HIBCH: variants seen among roughly 807,000 people sequenced by gnomAD.
The protein encoded by HIBCH is 3-hydroxyisobutyryl-CoA hydrolase.
Under a neutral mutation model 58.2 loss-of-function variants are expected in HIBCH, and 50 were observed. That is an observed-to-expected ratio of 0.86 (90% CI 0.68 to 1.09). The LOEUF is 1.09. Ranked by LOEUF, HIBCH falls within the 50% of genes least tolerant of loss-of-function variation. The pLI, the probability that HIBCH is intolerant of heterozygous loss-of-function variation, is 0.00. For missense variants in HIBCH, 450 were observed against 449.7 expected, an observed-to-expected ratio of 1.00 and a Z score of -0.01; for synonymous variants, 151 against 146.9, an observed-to-expected ratio of 1.03 and a Z score of -0.20.
chr2:190,191,905 CTGTT>C (rs1345122363), intron 1 of HIBCH, among the ~76,000 whole-genome samples: 2 of 150,446 alleles, frequency 1.3e-5, no homozygotes, highest in African/African-American at 2.4e-5. Flanking sequence ...TTTATATTTG[CTGTT>C]TTTTTTTCAA....
chr2:190,308,550 G>C (rs1444408005), intron 2 of HIBCH, among the ~76,000 whole-genome samples: 1 of 152,260 alleles, frequency 6.6e-6, no homozygotes, highest in East Asian at 1.9e-4. Context: ...ATAAGAGGAA[G>C]AGGCAGACCT....
intron 1 of HIBCH, among the ~76,000 whole-genome samples, chr2:190,192,450 A>ATG (rs1340574113): frequency 3.2e-5 from 3 of 93,784 alleles, no homozygotes; most frequent in East Asian, 2.7e-4. Context: ...ATAATTCAGA[A>ATG]TCTGTGTGTG....
At chr2:190,246,871 C>T (rs1474973768) in intron 9 of HIBCH, among the ~76,000 whole-genome samples, 1 of 152,108 alleles carries the variant, frequency 6.6e-6, no homozygotes, top group African/African-American at 2.4e-5. Flanking sequence ...TGGATGGTAG[C>T]AAAGTATAAG....
Position 190,261,192 on chromosome 2 carries a change from C to G in HIBCH, c.481G>C (p.Glu161Gln). The change falls in exon 7 of 14, where the codon GAA becomes CAA. Residue 161 changes from glutamate (E) to glutamine (Q), a missense_variant. Transcript: ENST00000359678. ...TCTGGCATAGCAAAAAGACACTTTT[C>G]TGTAGCCACTCGAAATTGCCCATGG... The part of the protein sequence containing the change: ...SVHGQFRVAT[E>Q]KCLFAMPETA... 1 of 1,613,564 alleles carries G rather than the reference C, an allele frequency of 6.2e-7. No homozygotes were observed. The highest frequency in any genetic ancestry group is 8.5e-7 in the Non-Finnish European group (1 of 1,179,724).
intron 10 of HIBCH, 33 bp from the exon 11 acceptor site, chr2:190,245,001 T>G (rs1309601133): frequency 6.3e-6 from 8 of 1,274,230 alleles, no homozygotes; most frequent in Non-Finnish European, 9.2e-6. Context: ...TTCACCAATG[T>G]GTAAGTGATT....
intron 3 of HIBCH, among the ~76,000 whole-genome samples, chr2:190,295,705 A>G (rs1575756609): frequency 6.6e-6 from 1 of 152,300 alleles, no homozygotes; most frequent in South Asian, 2.1e-4. Flanking sequence ...AACATTTCTA[A>G]TTTCTTCCAC....
At chr2:190,265,122 CAAAAAAAAAAA>C (rs1167140474) in intron 6 of HIBCH, among the ~76,000 whole-genome samples, 6 of 56,276 alleles carry the variant, frequency 1.1e-4, no homozygotes, top group Non-Finnish European at 1.0e-4. Context: ...GACTCCGTCT[CAAAAAAAAAAA>C]AAAAAAAAAA....
chr2:190,280,773 C>T (rs1559050476), intron 6 of HIBCH, among the ~76,000 whole-genome samples: 1 of 152,158 alleles, frequency 6.6e-6, no homozygotes. Flanking sequence ...ACTCAAACCC[C>T]GGAACCACGC....
chr2:190,243,924 T>C lies in HIBCH; in HGVS notation c.891+963A>G, dbSNP rs1417168693. ...GGCTGAGGCTGCAGTGAGTTGTGAT[T>C]GCACCACTGTCCTCCAGCCTGGGGA... On this transcript the variant is annotated intron_variant, in intron 11 of 13. Coordinates refer to ENST00000359678, the MANE Select transcript of HIBCH (RefSeq NM_014362.4). This position sits in a 1 kb window ranked among gnomAD's most constrained non-coding sequence, Gnocchi z 4.1. Among the ~76,000 whole-genome samples the C allele has an allele frequency of 1.3e-5, 2 of 152,150 alleles. No individual in the cohort carries two copies. The highest frequency in any genetic ancestry group is 3.8e-4 in the East Asian group (2 of 5,200).
Position 190,291,433 on chromosome 2 carries a change from G to T in HIBCH, c.305-948C>A, listed in dbSNP as rs182769697. Among the ~76,000 whole-genome samples, 949 of 152,214 alleles carry T rather than the reference G, an allele frequency of 6.2e-3. 9 individuals are homozygous for T. The highest frequency in any genetic ancestry group is 0.022 in the African/African-American group (900 of 41,530). Reference sequence around the variant, plus strand: ...TAAGCCAAGTTGGAAAAGGTAAATAGGAATTTCCTAGAAAATGACAGAAAG... The same window carrying T: ...TAAGCCAAGTTGGAAAAGGTAAATATGAATTTCCTAGAAAATGACAGAAAG... On this transcript the variant is annotated intron_variant, in intron 4 of 13. Coordinates refer to ENST00000359678, the MANE Select transcript of HIBCH (RefSeq NM_014362.4).
intron 13 of HIBCH, among the ~76,000 whole-genome samples, chr2:190,208,299 G>A (rs570672740): frequency 6.6e-6 from 1 of 152,308 alleles, no homozygotes; most frequent in South Asian, 2.1e-4. Context: ...ACGAAAGAGG[G>A]AGAAAGGGTA....
In HIBCH at chr2:190,225,450, C is replaced by A. The variant is rs1392971909; in HGVS notation, c.892-12375G>T. On this transcript the variant is annotated intron_variant, in intron 11 of 13. Coordinates refer to ENST00000359678, the MANE Select transcript of HIBCH (RefSeq NM_014362.4). Reference sequence around the variant, plus strand: ...TGATAAAGGGGATATCACCACCGATCCCACAGAAATACAAACTACCATCAG... The same window carrying A: ...TGATAAAGGGGATATCACCACCGATACCACAGAAATACAAACTACCATCAG... Among the ~76,000 whole-genome samples the A allele has an allele frequency of 2.0e-5, 3 of 152,158 alleles. No individual in the cohort carries two copies. In the East Asian group the frequency reaches 5.8e-4, roughly 29 times the overall value.
At chr2:190,235,938 G>A (rs2105924683) in intron 11 of HIBCH, among the ~76,000 whole-genome samples, 1 of 152,302 alleles carries the variant, frequency 6.6e-6, no homozygotes, top group South Asian at 2.1e-4. Flanking sequence ...TCATACTTCA[G>A]TGGCTGCTGT....
At chr2:190,317,477 T>C (rs1688733262) in intron 1 of HIBCH, among the ~76,000 whole-genome samples, 1 of 152,218 alleles carries the variant, frequency 6.6e-6, no homozygotes, top group African/African-American at 2.4e-5. Context: ...TAATTGTTCA[T>C]CCATGAATAT....
intron 1 of HIBCH, among the ~76,000 whole-genome samples, chr2:190,313,070 C>T (rs563258826): frequency 6.6e-6 from 1 of 152,302 alleles, no homozygotes; most frequent in East Asian, 1.9e-4. Context: ...CAAAGTTTTT[C>T]TTCCTGTTAA....
At chr2:190,311,440 A>G (rs1477999035) in intron 1 of HIBCH, among the ~76,000 whole-genome samples, 7 of 152,244 alleles carry the variant, frequency 4.6e-5, no homozygotes, top group African/African-American at 1.4e-4. Context: ...TACTCTAAAA[A>G]ATAAAGTCAT....
rs1690392639 is a variant in HIBCH, at chr2:190,206,406, A to C, written c.1046-1174T>G. On this transcript the variant is annotated intron_variant, in intron 13 of 13. Transcript: ENST00000359678. This position sits in a 1 kb window ranked among gnomAD's most constrained non-coding sequence, Gnocchi z 5.1. ...CTCTCTCACTCTAAGTCTTCTGGTC[A>C]ATACTACCTGTCTCCTTGAGATCCC... Among the ~76,000 whole-genome samples the C allele has an allele frequency of 6.6e-6, 1 of 152,230 alleles. No homozygotes were observed. The highest frequency in any genetic ancestry group is 1.5e-5 in the Non-Finnish European group (1 of 68,026).
At position 190,281,431 on chromosome 2, in the gene HIBCH, C is replaced by T. The variant is rs1017515114; in HGVS notation, c.438+6155G>A. Among the ~76,000 whole-genome samples, 5 of 152,080 alleles carry T rather than the reference C, an allele frequency of 3.3e-5. No individual in the cohort carries two copies. Among genetic ancestry groups the T allele is most frequent in the South Asian group, 2.1e-4 (1 of 4,820 alleles). ...CTGGGAGCAGAGGCCCAAGCAGCCCCGGGCGGTAAGCTTATAGGGGGAGGC... is the reference window on the plus strand; with the variant it reads ...CTGGGAGCAGAGGCCCAAGCAGCCCTGGGCGGTAAGCTTATAGGGGGAGGC... On this transcript the variant is annotated intron_variant, in intron 6 of 13. Coordinates refer to ENST00000359678, the MANE Select transcript of HIBCH (RefSeq NM_014362.4). This position sits in a 1 kb window ranked among gnomAD's most constrained non-coding sequence, Gnocchi z 5.4.
chr2:190,287,792 A>G (rs1053471795), intron 5 of HIBCH, among the ~76,000 whole-genome samples, 154 bp from the exon 6 acceptor site: 3 of 152,210 alleles, frequency 2.0e-5, no homozygotes, highest in African/African-American at 4.8e-5. Flanking sequence ...TATAAAATAC[A>G]TATTTTTAAA....
Sources: gnomAD v4.1 joint callset for allele counts (sites outside exome capture counted in the v4.1 genomes callset) on GRCh38, gnomAD v4.1.1 for gene constraint, Gnocchi (gnomAD v3.1) non-coding constraint, MANE v1.5 for transcripts, NCBI Gene and HGNC (gene_info 2026-07-23, HGNC 2026-07-21) for gene names.